The following TRMT44 variants were observed in gnomAD, a reference collection of about 807,000 sequenced individuals.
TRMT44 encodes probable tRNA (uracil-O(2)-)-methyltransferase.
Under a neutral mutation model 77.3 loss-of-function variants are expected in TRMT44, and 78 were observed. That is an observed-to-expected ratio of 1.01 (90% confidence interval 0.84 to 1.22). The LOEUF is 1.22. Ranked by LOEUF, TRMT44 falls within the 50% of genes most tolerant of loss-of-function variation. The pLI is 0.00. For missense variants in TRMT44, 1,090 were observed against 964.4 expected (o/e 1.13, Z -1.73); for synonymous variants, 391 against 383.3 (o/e 1.02, Z -0.23).
At chr4:8,443,820 C>T (rs569114077) in intron 1 of TRMT44, among the ~76,000 whole-genome samples, 5 of 152,022 alleles carry the variant, frequency 3.3e-5, no homozygotes, top group Admixed American at 6.6e-5. Context: ...ATTAGCCAGG[C>T]GTAGTGGCAG....
At chr4:8,513,398 A>G in the TRMT44 span, among the ~76,000 whole-genome samples, 4 of 152,214 alleles carry the variant, frequency 2.6e-5, no homozygotes, top group South Asian at 2.1e-4. Context: ...CCATAATTCA[A>G]TCACCTCCCA....
In TRMT44 at chr4:8,475,768, A is replaced by G. The variant is rs368100794; in HGVS notation, c.2045-4A>G. ...CAGTGTGTCTTCTCTGTTCCAAACC[A>G]CAGTTGTGAATGGGAGAGTTCACAT... On this transcript the variant is annotated splice_region_variant and splice_polypyrimidine_tract_variant and intron_variant, in intron 10 of 10. Coordinates refer to ENST00000389737, the MANE Select transcript of TRMT44 (RefSeq NM_152544.3). 11 of 1,613,748 alleles carry G rather than the reference A, an allele frequency of 6.8e-6. No individual in the cohort carries two copies. The African/African-American group carries it at 1.1e-4, about 16-fold the overall frequency.
At chr4:8,499,093 G>C in the TRMT44 span, among the ~76,000 whole-genome samples, 1 of 152,176 alleles carries the variant, frequency 6.6e-6, no homozygotes, top group African/African-American at 2.4e-5. Context: ...CCCAGGAGGA[G>C]GGGCTGGAGA....
At chr4:8,509,989 C>T in the TRMT44 span, among the ~76,000 whole-genome samples, 24 of 152,108 alleles carry the variant, frequency 1.6e-4, no homozygotes, top group African/African-American at 5.1e-4. Context: ...TTGGCATCCC[C>T]GTGGAGATGA....
Position 8,468,034 on chromosome 4 carries a change from C to T in TRMT44, c.1615C>T (p.Leu539Phe). The T allele has an allele frequency of 6.2e-7, 1 of 1,614,020 alleles. No homozygotes were observed. Among genetic ancestry groups the T allele is most frequent in the Non-Finnish European group, 8.5e-7 (1 of 1,180,044 alleles). The change falls in exon 9 of 11, where the codon CTT becomes TTT. Residue 539 changes from leucine to phenylalanine, a missense_variant. By Grantham distance (22) the Leu-to-Phe change is conservative. Coordinates refer to ENST00000389737, the MANE Select transcript of TRMT44 (RefSeq NM_152544.3). ...GCPVSPPGWELSPSPRWVAAG... is the reference protein window; with the variant it reads ...GCPVSPPGWEFSPSPRWVAAG... ...CCCTGTAAGCCCACCTGGCTGGGAGCTTTCCCCTTCTCCACGCTGGGTTGC... is the reference window on the plus strand; with the variant it reads ...CCCTGTAAGCCCACCTGGCTGGGAGTTTTCCCCTTCTCCACGCTGGGTTGC...
intron 2 of TRMT44, among the ~76,000 whole-genome samples, chr4:8,492,258 C>T (rs1011766000): frequency 6.6e-6 from 1 of 152,196 alleles, no homozygotes; most frequent in East Asian, 1.9e-4. Flanking sequence ...CATAACGATC[C>T]TCAAATCATG....
At chr4:8,502,565 A>C in the TRMT44 span, among the ~76,000 whole-genome samples, 1 of 152,200 alleles carries the variant, frequency 6.6e-6, no homozygotes, top group South Asian at 2.1e-4. Flanking sequence ...CAGGCTCTGC[A>C]TCCACACTCA....
the TRMT44 span, among the ~76,000 whole-genome samples, chr4:8,500,659 CT>C: frequency 4.3e-3 from 598 of 140,504 alleles, 1 homozygote; most frequent in African/African-American, 8.1e-3. Flanking sequence ...GCACTGTTTA[CT>C]TTTTTTTTTT....
chr4:8,510,340 T>G, the TRMT44 span: 1 of 152,712 alleles, frequency 6.5e-6, no homozygotes, highest in Non-Finnish European at 1.5e-5. Context: ...CCCCTGACCT[T>G]CCGCAGCCAT....
chr4:8,457,711 A>G (rs1032576096), intron 6 of TRMT44, among the ~76,000 whole-genome samples: 2 of 152,246 alleles, frequency 1.3e-5, no homozygotes, highest in Non-Finnish European at 2.9e-5. Context: ...AATTCCCGCC[A>G]GAGAAAATAG....
At chr4:8,454,989 C>T in intron 6 of TRMT44, 176 bp downstream of exon 6, 1 of 646,678 alleles carries the variant, frequency 1.5e-6, no homozygotes, top group Admixed American at 2.9e-5. Context: ...AACTAGACTT[C>T]ACAGAACCTT....
At chr4:8,475,483 G>A (rs1000046229) in intron 10 of TRMT44, among the ~76,000 whole-genome samples, 2 of 152,152 alleles carry the variant, frequency 1.3e-5, no homozygotes, top group East Asian at 3.9e-4. Flanking sequence ...TGGGACACTC[G>A]GGTTTGCTGC....
chr4:8,514,492 G>C, the TRMT44 span, among the ~76,000 whole-genome samples: 1 of 151,868 alleles, frequency 6.6e-6, no homozygotes, highest in Non-Finnish European at 1.5e-5. Flanking sequence ...GGCCAGGCTG[G>C]TCTCACACTC....
rs1579089851 is a variant in TRMT44, at chr4:8,476,198, C to T, written c.*197C>T. Reference sequence around the variant, plus strand: ...GAAGCCACAGTTACTCGGAAGCCCCCAGCTGACTGCCTGGCTTGTTTCAGA... The same window carrying T: ...GAAGCCACAGTTACTCGGAAGCCCCTAGCTGACTGCCTGGCTTGTTTCAGA... On this transcript the variant is annotated 3_prime_UTR_variant, in exon 11 of 11. Coordinates refer to ENST00000389737, the MANE Select transcript of TRMT44 (RefSeq NM_152544.3). 1 of 604,952 alleles carries T rather than the reference C, an allele frequency of 1.7e-6. No individual in the cohort carries two copies. The highest frequency in any genetic ancestry group is 2.9e-6 in the Non-Finnish European group (1 of 343,632). The allele number at this position is 604,952 out of a possible 1,614,324, so 37.5% of individuals were successfully genotyped here. A position where few individuals can be genotyped will look rare whatever the true frequency, so the allele number is the denominator to read the frequency against.
intron 2 of TRMT44, among the ~76,000 whole-genome samples, chr4:8,486,872 T>C (rs1212857379): frequency 6.6e-6 from 1 of 151,954 alleles, no homozygotes; most frequent in Non-Finnish European, 1.5e-5. Context: ...TGAGGAAGAA[T>C]TGGGACCTAG....
At chr4:8,483,383 C>A (rs1224385105) in intron 2 of TRMT44, among the ~76,000 whole-genome samples, 1 of 151,584 alleles carries the variant, frequency 6.6e-6, no homozygotes, top group Non-Finnish European at 1.5e-5. Flanking sequence ...AGGAATATGA[C>A]TAGACAGAAG....
At chr4:8,483,155 G>C (rs1268139495) in intron 2 of TRMT44, among the ~76,000 whole-genome samples, 1 of 152,184 alleles carries the variant, frequency 6.6e-6, no homozygotes, top group Admixed American at 6.5e-5. Context: ...AGGTATAAAA[G>C]GTCTAAGAAT....
chr4:8,509,283 G>A, the TRMT44 span: 4 of 152,634 alleles, frequency 2.6e-5, no homozygotes, highest in Admixed American at 2.6e-4. Flanking sequence ...GAGCCTCTCC[G>A]GCCTCATGTG....
rs1375910632 is a variant in TRMT44 at position 8,451,815 on chromosome 4, G to C, written c.955-145G>C. The C allele has an allele frequency of 2.8e-6, 2 of 702,010 alleles. No homozygotes were observed. The highest frequency in any genetic ancestry group is 4.8e-6 in the Non-Finnish European group (2 of 413,828). The allele number at this position is 702,010 out of a possible 1,614,324, so 43.5% of individuals were successfully genotyped here. ...AATCTTTTATTGTAAGAAACCAGTT[G>C]TGAATTCCTGCCTTTGAGCTTATGT... On this transcript the variant is annotated intron_variant, in intron 3 of 10. Transcript: ENST00000389737. The surrounding 1 kb of genome is among the most constrained non-coding windows in gnomAD (Gnocchi z 4.1).
Sources: allele counts gnomAD v4.1 joint callset (sites outside exome capture counted in the v4.1 genomes callset), GRCh38; gene constraint gnomAD v4.1.1; non-coding constraint Gnocchi (gnomAD v3.1); transcripts MANE v1.5; gene names NCBI Gene and HGNC (gene_info 2026-07-23, HGNC 2026-07-21).